Variants in TECRL observed in about 807,000 individuals in gnomAD.
TECRL encodes trans-2,3-enoyl-CoA reductase like, also known as trans-2,3-enoyl-CoA reductase-like.
Under a neutral mutation model 52.8 loss-of-function variants are expected in TECRL, and 63 were observed. The observed-to-expected ratio is 1.19, with a 90% confidence interval of 0.97 to 1.47. The LOEUF is 1.47. Among genes scored for constraint, TECRL ranks in the 40% most tolerant of loss-of-function variants. TECRL has a pLI of 0.00. For synonymous variants in TECRL, 164 were observed against 141.9 expected (o/e 1.16, Z -1.10); for missense variants, 482 against 429.6 (o/e 1.12, Z -1.08).
intron 2 of TECRL, among the ~76,000 whole-genome samples, chr4:64,361,736 T>G: frequency 6.6e-6 from 1 of 152,010 alleles, no homozygotes; most frequent in Non-Finnish European, 1.5e-5. Context: ...CTTCAAAGAT[T>G]AAGGAAATAT....
intron 5 of TECRL, among the ~76,000 whole-genome samples, chr4:64,313,720 A>T (rs1285196563): frequency 1.3e-5 from 2 of 149,882 alleles, no homozygotes; most frequent in Admixed American, 1.3e-4. Flanking sequence ...TGACCTTGTG[A>T]TCCACCCGCC....
At chr4:64,337,630 A>G (rs1183101647) in intron 2 of TECRL, among the ~76,000 whole-genome samples, 1 of 152,188 alleles carries the variant, frequency 6.6e-6, no homozygotes, top group East Asian at 1.9e-4. Context: ...TTATACACCA[A>G]TAACAGACAA....
intron 1 of TECRL, among the ~76,000 whole-genome samples, chr4:64,389,878 C>T (rs924057668): frequency 6.6e-6 from 1 of 151,878 alleles, no homozygotes; most frequent in African/African-American, 2.4e-5. Flanking sequence ...TCTATCCCTC[C>T]TCTTTATTAG....
intron 2 of TECRL, among the ~76,000 whole-genome samples, chr4:64,335,591 C>T (rs2110061162): frequency 6.6e-6 from 1 of 152,236 alleles, no homozygotes; most frequent in Middle Eastern, 3.4e-3. Flanking sequence ...AAACTGGTCT[C>T]TGGTGCCAAA....
intron 2 of TECRL, among the ~76,000 whole-genome samples, chr4:64,357,592 T>G (rs1417446845): frequency 7.4e-6 from 1 of 134,620 alleles, no homozygotes; most frequent in African/African-American, 2.4e-5. Flanking sequence ...ATAATAAAAT[T>G]TAAAACTATG....
chr4:64,393,769 T>TA (rs896595299), intron 1 of TECRL, among the ~76,000 whole-genome samples: 6 of 151,924 alleles, frequency 3.9e-5, no homozygotes, highest in Admixed American at 3.9e-4. Flanking sequence ...TTGTTAAAAT[T>TA]AAAAAAATTA....
chr4:64,295,473 C>T (rs1376493653), intron 8 of TECRL, among the ~76,000 whole-genome samples: 7 of 151,346 alleles, frequency 4.6e-5, no homozygotes, highest in Admixed American at 4.0e-4. Flanking sequence ...ATTTCATTAT[C>T]ACAACCTTGG....
intron 4 of TECRL, among the ~76,000 whole-genome samples, chr4:64,319,661 C>G (rs1032009757): frequency 1.3e-5 from 2 of 151,880 alleles, no homozygotes; most frequent in South Asian, 4.2e-4. Context: ...TTCATTGCAG[C>G]TTTATTTGTT....
intron 1 of TECRL, among the ~76,000 whole-genome samples, chr4:64,394,740 G>A (rs890184350): frequency 9.2e-5 from 14 of 151,996 alleles, no homozygotes; most frequent in African/African-American, 3.1e-4. Context: ...AATTTATTGG[G>A]CATTTACTGT....
At chr4:64,404,759 G>A (rs891734261) in intron 1 of TECRL, among the ~76,000 whole-genome samples, 1 of 151,952 alleles carries the variant, frequency 6.6e-6, no homozygotes, top group African/African-American at 2.4e-5. Flanking sequence ...TAGGTAAAAG[G>A]GTTTGAGAGA....
chr4:64,368,909 A>C (rs1043325752), intron 2 of TECRL, among the ~76,000 whole-genome samples: 1 of 152,056 alleles, frequency 6.6e-6, no homozygotes, highest in Non-Finnish European at 1.5e-5. Context: ...ATCCCCCAGC[A>C]TTTTGGCAAA....
At chr4:64,306,332 T>G (rs2109989451) in intron 6 of TECRL, among the ~76,000 whole-genome samples, 1 of 152,200 alleles carries the variant, frequency 6.6e-6, no homozygotes, top group African/African-American at 2.4e-5. Context: ...TGTGTGGGAC[T>G]TAGAAGGATA....
At chr4:64,383,536 A>G (rs927613157) in intron 1 of TECRL, among the ~76,000 whole-genome samples, 6 of 151,626 alleles carry the variant, frequency 4.0e-5, no homozygotes, top group Admixed American at 6.6e-5. Flanking sequence ...GATCTAGTCT[A>G]TTGTGGAAGC....
At chr4:64,335,947 T>G (rs956868139) in intron 2 of TECRL, among the ~76,000 whole-genome samples, 2 of 152,162 alleles carry the variant, frequency 1.3e-5, no homozygotes, top group Non-Finnish European at 2.9e-5. Flanking sequence ...TTTGCATCGA[T>G]GTTCATCATG....
chr4:64,356,719 G>GT (rs1643048622), intron 2 of TECRL, among the ~76,000 whole-genome samples: 1 of 151,832 alleles, frequency 6.6e-6, no homozygotes, highest in Admixed American at 6.6e-5. Flanking sequence ...AGAGACCAAT[G>GT]CGTTAGCAGG....
intron 2 of TECRL, among the ~76,000 whole-genome samples, chr4:64,374,591 G>A (rs1722254598): frequency 6.6e-6 from 1 of 151,560 alleles, no homozygotes; most frequent in Non-Finnish European, 1.5e-5. Flanking sequence ...GCCCCGGTGT[G>A]TGATGTTCCC....
chr4:64,347,301 C>T (rs1465539021), intron 2 of TECRL, among the ~76,000 whole-genome samples: 1 of 152,206 alleles, frequency 6.6e-6, no homozygotes, highest in African/African-American at 2.4e-5. Context: ...AAATACCACA[C>T]AGCCCTTCCT....
intron 1 of TECRL, among the ~76,000 whole-genome samples, chr4:64,403,481 A>G (rs1221266825): frequency 5.3e-5 from 8 of 151,702 alleles, no homozygotes; most frequent in Non-Finnish European, 7.4e-5. Flanking sequence ...GAGCGCACAC[A>G]CACACACACA....
At chr4:64,331,543 C>A (rs1246785131) in intron 2 of TECRL, among the ~76,000 whole-genome samples, 1 of 152,084 alleles carries the variant, frequency 6.6e-6, no homozygotes, top group Non-Finnish European at 1.5e-5. Flanking sequence ...ATAAGATTAA[C>A]TCAAGAGAAC....
Sources: gnomAD v4.1 joint callset for allele counts (sites outside exome capture counted in the v4.1 genomes callset) on GRCh38, gnomAD v4.1.1 for gene constraint, MANE v1.5 for transcripts, NCBI Gene and HGNC (gene_info 2026-07-23, HGNC 2026-07-21) for gene names.